Variants in SLC24A2 observed in about 807,000 individuals in gnomAD.
SLC24A2 encodes solute carrier family 24 member 2.
Under a neutral mutation model 62.0 loss-of-function variants are expected in SLC24A2, and 36 were observed. The ratio of observed to expected loss-of-function variants is 0.58; its 90% CI spans 0.44 to 0.77. The LOEUF (loss-of-function observed/expected upper bound fraction) is 0.77, where lower values mean the gene tolerates loss of function less well. SLC24A2 is among the 30% of genes least tolerant of loss of function. The pLI is 0.00. For synonymous variants in SLC24A2, 358 were observed against 294.0 expected, an observed-to-expected ratio of 1.22 and a Z score of -2.23; for missense variants, 846 against 817.9, an observed-to-expected ratio of 1.03 and a Z score of -0.42.
chr9:19,852,415 A>G, the SLC24A2 span, among the ~76,000 whole-genome samples: 1 of 152,186 alleles, frequency 6.6e-6, no homozygotes, highest in Non-Finnish European at 1.5e-5. Flanking sequence ...CCTGAATGGC[A>G]TTGCCTAGAT....
the SLC24A2 span, among the ~76,000 whole-genome samples, chr9:19,834,263 G>C: frequency 6.6e-6 from 1 of 152,144 alleles, no homozygotes; most frequent in African/African-American, 2.4e-5. Flanking sequence ...GGCTTCAGAA[G>C]ATCAAACTAC....
At chr9:20,192,956 A>T in the SLC24A2 span, among the ~76,000 whole-genome samples, 1 of 152,154 alleles carries the variant, frequency 6.6e-6, no homozygotes, top group Non-Finnish European at 1.5e-5. Context: ...TAAAAATATA[A>T]ATTACCCAAT....
chr9:19,985,456 T>A, the SLC24A2 span, among the ~76,000 whole-genome samples: 36 of 152,280 alleles, frequency 2.4e-4, no homozygotes, highest in Non-Finnish European at 2.9e-5. Flanking sequence ...CTCAAAAGTA[T>A]TACAAATGAA....
rs1836780512 is a variant in SLC24A2, at chr9:19,599,153, A to G, written c.1079-1874T>C. The stretch of plus-strand genomic sequence containing the variant: ...CTTGTGGCAGATGATATTACTCCTC[A>G]CCTCATCTCTTGCAGAATCAGGTAT... On this transcript the variant is annotated intron_variant, in intron 4 of 10. Transcript: ENST00000341998. This position sits in a 1 kb window ranked among gnomAD's most constrained non-coding sequence, Gnocchi z 4.5. Among the ~76,000 whole-genome samples the G allele has an allele frequency of 6.6e-6, 1 of 152,170 alleles. No individual in the cohort carries two copies. The highest frequency in any genetic ancestry group is 2.1e-4 in the South Asian group (1 of 4,832).
chr9:20,006,618 AAAAAAT>A, the SLC24A2 span, among the ~76,000 whole-genome samples: 1 of 152,130 alleles, frequency 6.6e-6, no homozygotes, highest in African/African-American at 2.4e-5. Flanking sequence ...CACAAAAATT[AAAAAAT>A]AAAAATAAAA....
rs1232141360 is a variant in SLC24A2 at position 19,516,367 on chromosome 9, T to C, written c.1772A>G (p.His591Arg). 1 of 1,613,908 alleles carries C rather than the reference T, an allele frequency of 6.2e-7. No individual in the cohort carries two copies. The highest frequency in any genetic ancestry group is 1.3e-5 in the African/African-American group (1 of 74,894). ...GCTGACAGCCACTGGCTGGAATCTGTGAATGACGGTGTACAGGAGCCAGGG... is the reference window on the plus strand; with the variant it reads ...GCTGACAGCCACTGGCTGGAATCTGCGAATGACGGTGTACAGGAGCCAGGG... ...PLPWLLYTVI[H>R]RFQPVAVSSN... Residue 591 changes from histidine (H) to arginine (R), a missense_variant, in exon 11 of 11, where the codon CAC becomes CGC. By Grantham distance (29) the His-to-Arg change is conservative. Transcript: ENST00000341998.
the SLC24A2 span, among the ~76,000 whole-genome samples, chr9:20,247,680 G>C: frequency 5.9e-5 from 9 of 152,202 alleles, no homozygotes; most frequent in African/African-American, 2.2e-4. Flanking sequence ...CTATAGTATG[G>C]TGTTATGACA....
Position 19,649,804 on chromosome 9 carries a change from G to A in SLC24A2, c.931-27505C>T, listed in dbSNP as rs188315869. On this transcript the variant is annotated intron_variant, in intron 2 of 10. Transcript: ENST00000341998. Reference sequence around the variant, plus strand: ...TTGTCCAATTAGCACAGTTTGCCAGGTGGTTATCTTGGATCTAACTCCAAG... The same window carrying A: ...TTGTCCAATTAGCACAGTTTGCCAGATGGTTATCTTGGATCTAACTCCAAG... Among the ~76,000 whole-genome samples, 4 of 152,350 alleles carry A rather than the reference G, an allele frequency of 2.6e-5. No homozygotes were observed. In the East Asian group the frequency reaches 7.7e-4, roughly 29 times the overall value.
At chr9:20,159,232 G>C in the SLC24A2 span, among the ~76,000 whole-genome samples, 5 of 151,618 alleles carry the variant, frequency 3.3e-5, no homozygotes, top group Non-Finnish European at 5.9e-5. Context: ...GAGTCTACTA[G>C]AGCAATGTTT....
the SLC24A2 span, among the ~76,000 whole-genome samples, chr9:19,981,260 C>A: frequency 6.6e-6 from 1 of 152,174 alleles, no homozygotes; most frequent in African/African-American, 2.4e-5. Flanking sequence ...TTCATTCTTT[C>A]AAAGAACATT....
chr9:19,801,247 A>T, the SLC24A2 span, among the ~76,000 whole-genome samples: 2 of 152,150 alleles, frequency 1.3e-5, no homozygotes, highest in African/African-American at 4.8e-5. Context: ...GAACTGTGGA[A>T]CCCAGTGACT....
chr9:19,978,012 G>A, the SLC24A2 span, among the ~76,000 whole-genome samples: 2 of 152,122 alleles, frequency 1.3e-5, no homozygotes, highest in East Asian at 3.9e-4. Context: ...CACTTTCAGA[G>A]CCCTGAGGGG....
Position 19,753,074 on chromosome 9 carries a change from C to T in SLC24A2, c.930+32863G>A, listed in dbSNP as rs140317435. On this transcript the variant is annotated intron_variant, in intron 2 of 10. Transcript: ENST00000341998. ...CCAGGAGTAAGATTTAGACCTAGAT[C>T]CACATTTTATCATATTCCGTCCTTT... 2.3e-3 allele frequency among the ~76,000 whole-genome samples: 348 copies of T among 152,310 alleles called. 1 individual carries two copies. Among genetic ancestry groups the T allele is most frequent in the Non-Finnish European group, 3.9e-3 (266 of 68,022 alleles).
At chr9:20,209,384 C>G in the SLC24A2 span, among the ~76,000 whole-genome samples, 1 of 152,170 alleles carries the variant, frequency 6.6e-6, no homozygotes, top group African/African-American at 2.4e-5. Flanking sequence ...TTTTTTATTT[C>G]CCTTCCTTAT....
At chr9:20,240,100 C>T in the SLC24A2 span, among the ~76,000 whole-genome samples, 1 of 152,094 alleles carries the variant, frequency 6.6e-6, no homozygotes, top group Non-Finnish European at 1.5e-5. Flanking sequence ...CTCTCCCCTA[C>T]TGTTATTCAC....
intron 8 of SLC24A2, among the ~76,000 whole-genome samples, chr9:19,529,775 G>C (rs1176975522): frequency 1.4e-5 from 2 of 147,308 alleles, no homozygotes; most frequent in Non-Finnish European, 3.0e-5. Context: ...TTTTAAGATG[G>C]AGTCTCACTC....
At chr9:20,003,139 G>A in the SLC24A2 span, among the ~76,000 whole-genome samples, 4 of 152,222 alleles carry the variant, frequency 2.6e-5, no homozygotes, top group Non-Finnish European at 5.9e-5. Context: ...ATCTATATGA[G>A]AGGATTCCCC....
intron 7 of SLC24A2, among the ~76,000 whole-genome samples, chr9:19,555,515 C>T (rs1357810072): frequency 1.3e-5 from 2 of 152,292 alleles, no homozygotes; most frequent in South Asian, 2.1e-4. Context: ...CAAAACCATT[C>T]ATTTTATCCT....
At chr9:20,113,325 G>T in the SLC24A2 span, among the ~76,000 whole-genome samples, 2 of 152,082 alleles carry the variant, frequency 1.3e-5, no homozygotes, top group Non-Finnish European at 2.9e-5. Context: ...TCAATTCTCT[G>T]TGCCTCCATT....
Sources: gnomAD v4.1 joint callset for allele counts (sites outside exome capture counted in the v4.1 genomes callset) on GRCh38, gnomAD v4.1.1 for gene constraint, Gnocchi (gnomAD v3.1) non-coding constraint, MANE v1.5 for transcripts, NCBI Gene and HGNC (gene_info 2026-07-23, HGNC 2026-07-21) for gene names.